The following CHL1 variants were observed in gnomAD, a reference collection of about 807,000 sequenced individuals.
CHL1 encodes the protein neural cell adhesion molecule L1-like protein.
A neutral mutation model predicts 141.9 loss-of-function variants in CHL1; 96 were observed. The observed-to-expected ratio is 0.68, with a 90% CI of 0.57 to 0.80. CHL1 has a LOEUF of 0.80. CHL1 is among the 30% of genes least tolerant of loss of function. The probability of loss-of-function intolerance (pLI) is 0.00; values close to 1 mark genes in which losing one functional copy is unlikely to be tolerated. For synonymous variants in CHL1, 613 were observed against 502.2 expected (o/e 1.22, Z -2.95); for missense variants, 1,820 against 1,457.2 (o/e 1.25, Z -4.05).
intron 2 of CHL1, among the ~76,000 whole-genome samples, chr3:305,348 A>G (rs1389079112): frequency 6.6e-6 from 1 of 152,138 alleles, no homozygotes; most frequent in Non-Finnish European, 1.5e-5. Context: ...AAACTTTTCT[A>G]GAGTAGAGTG....
At position 360,439 on chromosome 3, in the gene CHL1, G is replaced by C; in HGVS notation, c.1306+15G>C. 2 of 1,612,444 alleles carry C rather than the reference G, an allele frequency of 1.2e-6. No homozygotes were observed. The highest frequency in any genetic ancestry group is 8.5e-7 in the Non-Finnish European group (1 of 1,179,224). The stretch of plus-strand genomic sequence containing the variant: ...TGATGTTGTGGGTGAGTGTGCCTGG[G>C]AGCTGACTTAACATGCTATTTTCCT... On this transcript the variant is annotated intron_variant, in intron 12 of 27. Transcript: ENST00000256509.
chr3:404,884 T>C (rs1428672868), intron 27 of CHL1, among the ~76,000 whole-genome samples: 1 of 152,102 alleles, frequency 6.6e-6, no homozygotes, highest in Non-Finnish European at 1.5e-5. Flanking sequence ...GAAACTTAAT[T>C]CCCACAGTTC....
intron 1 of CHL1, among the ~76,000 whole-genome samples, chr3:207,840 T>C (rs1042146506): frequency 2.0e-5 from 3 of 152,178 alleles, no homozygotes; most frequent in East Asian, 1.9e-4. Flanking sequence ...CTGCTTGTAA[T>C]TGATTTGGGC....
chr3:357,845 T>A (rs1479263165), intron 11 of CHL1, among the ~76,000 whole-genome samples: 1 of 152,208 alleles, frequency 6.6e-6, no homozygotes, highest in Admixed American at 6.5e-5. Context: ...CATGCATGGA[T>A]CAGACGGGAT....
At chr3:254,962 A>G (rs1694023399) in intron 2 of CHL1, among the ~76,000 whole-genome samples, 1 of 152,156 alleles carries the variant, frequency 6.6e-6, no homozygotes, top group Non-Finnish European at 1.5e-5. Context: ...CAAAGAAGCC[A>G]AAGTTATATT....
intron 10 of CHL1, among the ~76,000 whole-genome samples, chr3:353,276 C>T (rs1329143834): frequency 6.6e-6 from 1 of 151,774 alleles, no homozygotes; most frequent in African/African-American, 2.4e-5. Context: ...TATGATATGC[C>T]ATAATGTTCA....
intron 1 of CHL1, among the ~76,000 whole-genome samples, chr3:201,690 G>A (rs1499057): frequency 0.95 from 143,939 of 152,246 alleles, 68,400 homozygotes; most frequent in East Asian, 1. Flanking sequence ...TGATAAGAAT[G>A]ATAAATGCAT....
intron 2 of CHL1, among the ~76,000 whole-genome samples, chr3:273,583 T>C (rs1341717268): frequency 6.6e-6 from 1 of 152,198 alleles, no homozygotes; most frequent in African/African-American, 2.4e-5. Context: ...TCACGTTCTT[T>C]TTCTATTCTC....
intron 2 of CHL1, among the ~76,000 whole-genome samples, chr3:267,631 T>C (rs1184711095): frequency 1.3e-5 from 2 of 152,290 alleles, no homozygotes; most frequent in South Asian, 2.1e-4. Context: ...CTCATTATCT[T>C]TACCGATTTT....
intron 2 of CHL1, among the ~76,000 whole-genome samples, chr3:317,000 TTCCG>T (rs1477631757): frequency 6.6e-6 from 1 of 152,032 alleles, no homozygotes; most frequent in Non-Finnish European, 1.5e-5. Flanking sequence ...AAGACTGACT[TTCCG>T]TTTTCAATCT....
chr3:198,202 G>C, intron 1 of CHL1: 2 of 172,512 alleles, frequency 1.2e-5, no homozygotes, highest in Non-Finnish European at 2.5e-5. Flanking sequence ...GAGGGCAGGT[G>C]TGCGTCGGCA....
intron 2 of CHL1, among the ~76,000 whole-genome samples, chr3:267,515 C>T (rs534844047): frequency 5.9e-5 from 9 of 152,212 alleles, no homozygotes; most frequent in Middle Eastern, 6.8e-3. Context: ...CTTAAAATTA[C>T]GAGGATTTTT....
chr3:225,542 ATTTC>A (rs1251290148), intron 1 of CHL1, among the ~76,000 whole-genome samples: 1 of 152,202 alleles, frequency 6.6e-6, no homozygotes, highest in Non-Finnish European at 1.5e-5. Context: ...ACATCTTTAT[ATTTC>A]TTTATGAGAC....
chr3:272,340 T>G (rs1361685519), intron 2 of CHL1, among the ~76,000 whole-genome samples: 1 of 152,204 alleles, frequency 6.6e-6, no homozygotes, highest in East Asian at 1.9e-4. Flanking sequence ...TACTTTGTTG[T>G]TTTTGCATAG....
At chr3:323,188 A>G (rs1247269234) in intron 3 of CHL1, among the ~76,000 whole-genome samples, 1 of 152,028 alleles carries the variant, frequency 6.6e-6, no homozygotes, top group South Asian at 2.1e-4. Context: ...GAACCAAGTG[A>G]GCCCATTCAT....
intron 5 of CHL1, among the ~76,000 whole-genome samples, chr3:334,726 A>G (rs1701725435): frequency 6.6e-6 from 1 of 152,200 alleles, no homozygotes; most frequent in East Asian, 1.9e-4. Flanking sequence ...ATAAATAGTG[A>G]TACTGCAAAT....
intron 10 of CHL1, among the ~76,000 whole-genome samples, chr3:352,842 G>A (rs896070964): frequency 6.6e-6 from 1 of 152,186 alleles, no homozygotes; most frequent in Non-Finnish European, 1.5e-5. Context: ...TATTGGGGGA[G>A]CTTGGATTTG....
intron 1 of CHL1, among the ~76,000 whole-genome samples, chr3:234,789 T>G (rs1691787944): frequency 6.6e-6 from 1 of 152,106 alleles, no homozygotes; most frequent in Non-Finnish European, 1.5e-5. Context: ...GGGTGTGCCT[T>G]GAGTGCAGTG....
chr3:281,851 T>A (rs1696688713), intron 2 of CHL1, among the ~76,000 whole-genome samples: 2 of 152,178 alleles, frequency 1.3e-5, no homozygotes, highest in Admixed American at 1.3e-4. Flanking sequence ...TGAGCCACCA[T>A]GCCCAGCCTA....
Sources: gnomAD v4.1 joint callset for allele counts (sites outside exome capture counted in the v4.1 genomes callset) on GRCh38, gnomAD v4.1.1 for gene constraint, MANE v1.5 for transcripts, NCBI Gene and HGNC (gene_info 2026-07-23, HGNC 2026-07-21) for gene names.